The following CFAP92 variants were observed in gnomAD, a reference collection of about 807,000 sequenced individuals.
CFAP92 encodes the protein uncharacterized protein CFAP92.
Under a neutral mutation model 106.3 loss-of-function variants are expected in CFAP92, and 86 were observed. That is an observed-to-expected ratio of 0.81 (90% CI 0.68 to 0.97). The LOEUF (loss-of-function observed/expected upper bound fraction) is 0.97. CFAP92 is among the 50% of genes least tolerant of loss of function. CFAP92 has a pLI of 0.00. For synonymous variants in CFAP92, 477 were observed against 506.4 expected (o/e 0.94, Z 0.78); for missense variants, 1,204 against 1,283.8 (o/e 0.94, Z 0.95).
chr3:129,009,799 C>T, the CFAP92 span, among the ~76,000 whole-genome samples: 1 of 152,232 alleles, frequency 6.6e-6, no homozygotes, highest in African/African-American at 2.4e-5. Flanking sequence ...CCTGGTTAGA[C>T]ACAGAGCAGG....
chr3:129,006,351 C>CT (rs1263902698), upstream of CFAP92, among the ~76,000 whole-genome samples: 1 of 152,232 alleles, frequency 6.6e-6, no homozygotes, highest in Non-Finnish European at 1.5e-5. Context: ...CAGTCTTGCT[C>CT]TGTCACCCAG....
upstream of CFAP92, chr3:129,003,659 C>A: frequency 1.1e-6 from 1 of 916,158 alleles, no homozygotes; most frequent in Non-Finnish European, 1.4e-6. Context: ...GCCTGGCACC[C>A]GGAAGCAGAC....
At chr3:129,020,234 C>T in the CFAP92 span, among the ~76,000 whole-genome samples, 2 of 152,122 alleles carry the variant, frequency 1.3e-5, no homozygotes, top group African/African-American at 4.8e-5. Flanking sequence ...AAGCTGTAAA[C>T]AGAGTGTGGG....
At position 128,999,718 on chromosome 3, in the gene CFAP92, T is replaced by C. The variant is rs137859660; in HGVS notation, n.117+2856A>G. ...CACGCCCAGCTAACTTTTGGTATTTTTAGTAGAGATGGGGGTGGTTCACTA... is the reference window on the plus strand; with the variant it reads ...CACGCCCAGCTAACTTTTGGTATTTCTAGTAGAGATGGGGGTGGTTCACTA... On this transcript the variant is annotated intron_variant and non_coding_transcript_variant, in intron 1 of 4. Coordinates refer to the CFAP92 transcript ENST00000510149. Among the ~76,000 whole-genome samples, 729 of 148,162 alleles carry C rather than the reference T, an allele frequency of 4.9e-3. 7 individuals are homozygous for C. The highest frequency in any genetic ancestry group is 0.018 in the African/African-American group (694 of 38,150).
chr3:128,974,777 C>T (rs1348511331), intron 7 of CFAP92, among the ~76,000 whole-genome samples: 19 of 151,782 alleles, frequency 1.3e-4, no homozygotes, highest in East Asian at 3.9e-4. Context: ...GCCAAGATTG[C>T]GCCATTGCAC....
At chr3:129,024,160 G>A in the CFAP92 span, among the ~76,000 whole-genome samples, 1 of 152,222 alleles carries the variant, frequency 6.6e-6, no homozygotes, top group African/African-American at 2.4e-5. Context: ...AGGGCTCTAG[G>A]AGCCAGGAGA....
At chr3:129,018,179 A>G in the CFAP92 span, among the ~76,000 whole-genome samples, 1 of 152,192 alleles carries the variant, frequency 6.6e-6, no homozygotes, top group Non-Finnish European at 1.5e-5. Context: ...TTGGGAGTAA[A>G]GATGAGACCT....
chr3:128,945,034 C>A, intron 10 of CFAP92, 37 bp downstream of exon 10: 1 of 1,463,454 alleles, frequency 6.8e-7, no homozygotes, highest in South Asian at 1.4e-5. Context: ...ATCCAGATGC[C>A]ATCATTTTTA....
At chr3:129,000,865 C>T (rs534495027) in intron 1 of CFAP92, among the ~76,000 whole-genome samples, 1 of 152,278 alleles carries the variant, frequency 6.6e-6, no homozygotes, top group African/African-American at 2.4e-5. Flanking sequence ...GCACAGGGCT[C>T]GTCTCAGATG....
At chr3:128,997,227 TATCCCA>T (rs1174077589), upstream of CFAP92, among the ~76,000 whole-genome samples, 8 of 152,226 alleles carry the variant, frequency 5.3e-5, no homozygotes, top group African/African-American at 1.9e-4. Flanking sequence ...TTCCTGAAGC[TATCCCA>T]AGACTCTGGC....
chr3:129,002,983 C>A (rs1944869133), upstream of CFAP92, among the ~76,000 whole-genome samples: 1 of 152,136 alleles, frequency 6.6e-6, no homozygotes, highest in South Asian at 2.1e-4. Context: ...TGGGAGCCGT[C>A]GACAAACACT....
At chr3:129,000,889 C>G (rs923617121) in intron 1 of CFAP92, among the ~76,000 whole-genome samples, 1 of 152,212 alleles carries the variant, frequency 6.6e-6, no homozygotes, top group South Asian at 2.1e-4. Context: ...TTCTCACCAG[C>G]GGGGTGCCCC....
At chr3:128,993,535 A>T in intron 1 of CFAP92, 199 bp from the exon 2 acceptor site, 2 of 593,562 alleles carry the variant, frequency 3.4e-6, no homozygotes, top group Non-Finnish European at 5.9e-6. Flanking sequence ...TGAAGGAACA[A>T]CAGATAAGGG....
intron 8 of CFAP92, 101 bp downstream of exon 8, chr3:128,971,186 G>A (rs1349916645): frequency 1.3e-6 from 2 of 1,571,870 alleles, no homozygotes; most frequent in African/African-American, 1.3e-5. Context: ...AGGATGAAAT[G>A]AGGTGGCACG....
chr3:128,945,640 A>G lies in CFAP92; in HGVS notation c.1689T>C (p.Tyr563=). Residue 563 remains tyrosine, a synonymous_variant, in exon 10 of 16, where the codon TAT becomes TAC. Transcript: ENST00000645291. ...CAGCAAAACTGACCTGGGCGATGCCATAAGGGTACCACATCTTGTTCTGGG... is the reference window on the plus strand; with the variant it reads ...CAGCAAAACTGACCTGGGCGATGCCGTAAGGGTACCACATCTTGTTCTGGG... ...FESQNKMWYP[Y]GIAQVSFADL... 4 of 1,536,154 alleles carry G rather than the reference A, an allele frequency of 2.6e-6. No individual in the cohort carries two copies. Among genetic ancestry groups the G allele is most frequent in the Non-Finnish European group, 3.5e-6 (4 of 1,146,916 alleles).
chr3:128,984,632 C>T (rs182897816), intron 4 of CFAP92, among the ~76,000 whole-genome samples: 13 of 152,262 alleles, frequency 8.5e-5, no homozygotes, highest in South Asian at 6.2e-4. Context: ...AGCTTGCAGA[C>T]GGCCTATTGT....
At chr3:128,914,912 C>T (rs769914084) in intron 15 of CFAP92, 3 of 573,130 alleles carry the variant, frequency 5.2e-6, no homozygotes, top group Non-Finnish European at 9.2e-6. Context: ...ACACAAATGT[C>T]ACACTTGGGG....
In CFAP92 at chr3:128,945,103, G is replaced by A; in HGVS notation, c.2226C>T (p.Gly742=). The A allele has an allele frequency of 6.5e-7, 1 of 1,533,264 alleles. No homozygotes were observed. The highest frequency in any genetic ancestry group is 2.4e-5 in the East Asian group (1 of 40,836). 95.0% of individuals were successfully genotyped at this position (1,533,264 alleles called of 1,614,324 possible). Residue 742 remains glycine, a synonymous_variant, in exon 10 of 16, where the codon GGC becomes GGT. Transcript: ENST00000645291. ...GGTGGTTCTCCCACAGCTGCCTCAAGCCTTGGTCGGCCAGGCCTTCCAGGA... is the reference window on the plus strand; with the variant it reads ...GGTGGTTCTCCCACAGCTGCCTCAAACCTTGGTCGGCCAGGCCTTCCAGGA... The part of the protein sequence containing the change: ...LFILEGLADQ[G]LRQLWENHQS...
the CFAP92 span, among the ~76,000 whole-genome samples, chr3:129,022,780 C>T: frequency 6.6e-6 from 1 of 152,316 alleles, no homozygotes; most frequent in African/African-American, 2.4e-5. Flanking sequence ...TCACAGAAGG[C>T]CCCCAGACCA....
Sources: gnomAD v4.1 joint callset for allele counts (sites outside exome capture counted in the v4.1 genomes callset) on GRCh38, gnomAD v4.1.1 for gene constraint, MANE v1.5 for transcripts, NCBI Gene and HGNC (gene_info 2026-07-23, HGNC 2026-07-21) for gene names.